NOXRED1: variants seen among roughly 807,000 people sequenced by gnomAD.
NOXRED1 encodes NADP dependent oxidoreductase domain containing 1.
In NOXRED1, 20 loss-of-function variants were observed where a neutral mutation model predicts 30.4. The observed-to-expected ratio is 0.66, with a 90% CI of 0.46 to 0.96. The LOEUF is 0.96. NOXRED1 is among the 40% of genes least tolerant of loss of function. The pLI is 0.00. For synonymous variants in NOXRED1, 155 were observed against 168.0 expected (o/e 0.92, Z 0.60); for missense variants, 374 against 428.0 (o/e 0.87, Z 1.11).
chr14:77,402,877 C>G (rs1018712081), intron 5 of NOXRED1, among the ~76,000 whole-genome samples: 2 of 150,412 alleles, frequency 1.3e-5, no homozygotes, highest in African/African-American at 4.9e-5. Context: ...CTACTAAAAA[C>G]ACAAAAAATT....
intron 1 of NOXRED1, among the ~76,000 whole-genome samples, chr14:77,419,274 C>T (rs567434376): frequency 5.1e-4 from 76 of 150,348 alleles, no homozygotes; most frequent in Admixed American, 2.3e-3. Flanking sequence ...GGTTTCACCA[C>T]GTTGGCCAGG....
At chr14:77,411,469 C>CAAAA (rs368123770) in intron 2 of NOXRED1, among the ~76,000 whole-genome samples, 1 of 97,734 alleles carries the variant, frequency 1.0e-5, no homozygotes, top group African/African-American at 3.5e-5. Flanking sequence ...GACTCTGTCT[C>CAAAA]AAAAAAAAAA....
chr14:77,407,701 C>A, intron 2 of NOXRED1, 56 bp from the exon 3 acceptor site: 1 of 1,203,934 alleles, frequency 8.3e-7, no homozygotes, highest in Non-Finnish European at 1.2e-6. Context: ...TTGACCTGAA[C>A]ATCAACTATG....
rs140560471 is a variant in NOXRED1, at chr14:77,407,808, C to T, written c.350-163G>A. On this transcript the variant is annotated intron_variant, in intron 2 of 5. Coordinates refer to ENST00000380835, the MANE Select transcript of NOXRED1 (RefSeq NM_001113475.3). ...CTTCCTACAGACCTTCTAAAAGCCA[C>T]GCAGCAATGCCCTAACTCTATTACT... Among the ~76,000 whole-genome samples the T allele has an allele frequency of 3.1e-3, 476 of 152,140 alleles. 3 individuals are homozygous for T. The highest frequency in any genetic ancestry group is 0.011 in the African/African-American group (453 of 41,508).
chr14:77,406,737 G>A lies in NOXRED1; in HGVS notation c.669C>T (p.Pro223=). The change falls in exon 4 of 6, where the codon CCC becomes CCT. Residue 223 remains proline (P), a synonymous_variant. Coordinates refer to ENST00000380835, the MANE Select transcript of NOXRED1 (RefSeq NM_001113475.3). ...QDPTILQATC[P]YSPAGGIILN... is the part of the protein sequence containing the mutation. ...TTGAGCCGTGACCAGCAGGACTGTA[G>A]GGACAGGTAGCTTGAAGAATCGTAG... is the stretch of plus-strand genomic sequence containing the variant. The A allele has an allele frequency of 6.2e-7, 1 of 1,614,102 alleles. No homozygotes were observed. Among genetic ancestry groups the A allele is most frequent in the African/African-American group, 1.3e-5 (1 of 75,040 alleles).
intron 2 of NOXRED1, among the ~76,000 whole-genome samples, chr14:77,411,116 A>G (rs914627109): frequency 1.3e-5 from 2 of 152,200 alleles, no homozygotes; most frequent in Non-Finnish European, 2.9e-5. Context: ...AAACTGTGGA[A>G]TAATCATGCA....
chr14:77,416,265 G>A (rs1894817726), intron 1 of NOXRED1, among the ~76,000 whole-genome samples: 1 of 152,168 alleles, frequency 6.6e-6, no homozygotes, highest in Admixed American at 6.5e-5. Context: ...GCAATCTACA[G>A]GGTCATAGGA....
At chr14:77,410,422 T>G (rs1894620076) in intron 2 of NOXRED1, among the ~76,000 whole-genome samples, 1 of 152,026 alleles carries the variant, frequency 6.6e-6, no homozygotes, top group Non-Finnish European at 1.5e-5. Context: ...CTGGCCAACA[T>G]GGCAAAACCC....
chr14:77,412,050 G>A (rs150232871), intron 2 of NOXRED1, among the ~76,000 whole-genome samples: 8 of 142,734 alleles, frequency 5.6e-5, no homozygotes, highest in African/African-American at 1.8e-4. Context: ...AGCCGAGATC[G>A]TGCTCTCCAC....
chr14:77,398,728 TG>T (rs1321225522), intron 5 of NOXRED1, among the ~76,000 whole-genome samples: 1 of 152,144 alleles, frequency 6.6e-6, no homozygotes, highest in Non-Finnish European at 1.5e-5. Context: ...CCCAGCATTT[TG>T]GGAGGCTGAG....
At chr14:77,409,257 C>T (rs1422867839) in intron 2 of NOXRED1, among the ~76,000 whole-genome samples, 1 of 152,068 alleles carries the variant, frequency 6.6e-6, no homozygotes, top group Non-Finnish European at 1.5e-5. Flanking sequence ...AATTGTACTC[C>T]CCACGTGTTG....
At chr14:77,408,892 A>ATTTTTTTTATTTTTTTTTT (rs1894556754) in intron 2 of NOXRED1, among the ~76,000 whole-genome samples, 1 of 68,152 alleles carries the variant, frequency 1.5e-5, no homozygotes, top group Non-Finnish European at 2.7e-5. Flanking sequence ...CTGGTAGTTA[A>ATTTTTTTTATTTTTTTTTT]TTTTTTTTTT....
intron 5 of NOXRED1, 99 bp from the exon 6 acceptor site, chr14:77,394,904 T>C: frequency 2.6e-6 from 2 of 757,466 alleles, no homozygotes; most frequent in Non-Finnish European, 4.3e-6. Context: ...TCATTACCTT[T>C]TCATAAACTA....
intron 1 of NOXRED1, among the ~76,000 whole-genome samples, chr14:77,414,685 T>A (rs1894764892): frequency 6.6e-6 from 1 of 152,218 alleles, no homozygotes; most frequent in Admixed American, 6.5e-5. Context: ...ATGTTTTAAA[T>A]GAACATACTT....
At chr14:77,412,102 A>T (rs954754403) in intron 2 of NOXRED1, among the ~76,000 whole-genome samples, 3 of 70,722 alleles carry the variant, frequency 4.2e-5, no homozygotes, top group Admixed American at 1.7e-4. Context: ...GACTCAGTCT[A>T]AAAAAAAAAA....
At chr14:77,414,812 ATTG>A (rs1027454974) in intron 1 of NOXRED1, among the ~76,000 whole-genome samples, 1 of 152,074 alleles carries the variant, frequency 6.6e-6, no homozygotes, top group Non-Finnish European at 1.5e-5. Flanking sequence ...TCTATAACAC[ATTG>A]TGGGCCAGTC....
At chr14:77,398,531 C>T (rs1312363152) in intron 5 of NOXRED1, among the ~76,000 whole-genome samples, 2 of 152,072 alleles carry the variant, frequency 1.3e-5, no homozygotes, top group African/African-American at 4.8e-5. Flanking sequence ...CCCACTTTAG[C>T]CATCCTGTTC....
intron 1 of NOXRED1, among the ~76,000 whole-genome samples, chr14:77,415,714 C>CT (rs560912575): frequency 0.036 from 4,950 of 136,434 alleles, 384 homozygotes; most frequent in African/African-American, 0.13. Context: ...ACTCTATATG[C>CT]TTTTTTTTTT....
intron 5 of NOXRED1, among the ~76,000 whole-genome samples, chr14:77,405,499 A>C (rs543805064): frequency 6.6e-6 from 1 of 152,356 alleles, no homozygotes; most frequent in East Asian, 1.9e-4. Flanking sequence ...GAGTGAATAA[A>C]TTTAATGGAA....
Sources: gnomAD v4.1 joint callset for allele counts (sites outside exome capture counted in the v4.1 genomes callset) on GRCh38, gnomAD v4.1.1 for gene constraint, MANE v1.5 for transcripts, NCBI Gene and HGNC (gene_info 2026-07-23, HGNC 2026-07-21) for gene names.